Variants in MGAT4C observed in about 807,000 individuals in gnomAD.
The protein encoded by MGAT4C is alpha-1,3-mannosyl-glycoprotein 4-beta-N-acetylglucosaminyltransferase C.
In MGAT4C, 19 loss-of-function variants were observed where a neutral mutation model predicts 40.1. The ratio of observed to expected loss-of-function variants is 0.47; its 90% confidence interval spans 0.33 to 0.70. The LOEUF (loss-of-function observed/expected upper bound fraction) is 0.70. MGAT4C is among the 30% of genes least tolerant of loss of function. The probability of loss-of-function intolerance (pLI) is 0.02; values close to 1 mark genes in which losing one functional copy is unlikely to be tolerated. For missense variants in MGAT4C, 491 were observed against 563.2 expected, an observed-to-expected ratio of 0.87 and a Z score of 1.30; for synonymous variants, 181 against 187.1, an observed-to-expected ratio of 0.97 and a Z score of 0.27.
At chr12:86,063,946 T>C (rs991599152) in intron 1 of MGAT4C, among the ~76,000 whole-genome samples, 3 of 152,152 alleles carry the variant, frequency 2.0e-5, no homozygotes, top group African/African-American at 7.2e-5. Flanking sequence ...CACACAATAA[T>C]AGTGGGATAC....
intron 2 of MGAT4C, among the ~76,000 whole-genome samples, chr12:86,616,555 A>G (rs1305777709): frequency 6.6e-6 from 1 of 152,144 alleles, no homozygotes; most frequent in African/African-American, 2.4e-5. Context: ...AAAATGTATC[A>G]TGTCAGTTTT....
chr12:85,983,012 C>A (rs992823155), intron 4 of MGAT4C, among the ~76,000 whole-genome samples: 1 of 152,170 alleles, frequency 6.6e-6, no homozygotes, highest in East Asian at 1.9e-4. Context: ...GGAGTGGGGA[C>A]CTGCCAGCAC....
Position 85,972,697 on chromosome 12 carries a change from A to T in MGAT4C, c.*6592T>A, listed in dbSNP as rs968431839. On this transcript the variant is annotated 3_prime_UTR_variant, in exon 5 of 5. Transcript: ENST00000611864. ...ATTGAAAACCGGATTACATTAAAGG[A>T]TGGACAATTATGATAAAGGATCTGA... is the stretch of plus-strand genomic sequence containing the variant. 6.6e-6 allele frequency: 1 copy of T among 151,050 alleles called. No homozygotes were observed. Among genetic ancestry groups the T allele is most frequent in the African/African-American group, 2.4e-5 (1 of 41,324 alleles). 9.4% of individuals were successfully genotyped at this position (151,050 alleles called of 1,614,324 possible).
chr12:86,023,889 G>T (rs898526838), intron 2 of MGAT4C, among the ~76,000 whole-genome samples: 6 of 151,618 alleles, frequency 4.0e-5, no homozygotes, highest in Non-Finnish European at 8.9e-5. Context: ...CTTGAGAAAT[G>T]ATTTTTTTCT....
intron 2 of MGAT4C, chr12:86,001,490 C>G (rs1253833404): frequency 2.6e-5 from 8 of 303,412 alleles, no homozygotes; most frequent in Non-Finnish European, 3.9e-5. Flanking sequence ...TCCCAAGCAC[C>G]TACCTTTGAA....
chr12:86,508,681 G>T (rs10858434), intron 2 of MGAT4C, among the ~76,000 whole-genome samples: 133,494 of 147,720 alleles, frequency 0.9, 60,493 homozygotes, highest in East Asian at 1. Context: ...ACCAACAGTG[G>T]AAAAGTGTTC....
intron 2 of MGAT4C, among the ~76,000 whole-genome samples, chr12:86,653,129 T>G (rs1963740501): frequency 6.6e-6 from 1 of 151,948 alleles, no homozygotes; most frequent in African/African-American, 2.4e-5. Context: ...AATAAACTAT[T>G]ATGATGTTTA....
At chr12:86,248,855 CTAAGAGACAGCT>C (rs1952150638) in intron 1 of MGAT4C, among the ~76,000 whole-genome samples, 2 of 152,086 alleles carry the variant, frequency 1.3e-5, no homozygotes, top group Non-Finnish European at 2.9e-5. Context: ...GGGAGACAGC[CTAAGAGACAGCT>C]GTGAAACTAG....
chr12:86,589,197 G>T (rs1041494190), intron 2 of MGAT4C, among the ~76,000 whole-genome samples: 3 of 151,840 alleles, frequency 2.0e-5, no homozygotes, highest in African/African-American at 7.3e-5. Context: ...TCAAATAGAC[G>T]CAATAAAAAA....
At chr12:86,763,490 C>G (rs1473399559) in intron 1 of MGAT4C, among the ~76,000 whole-genome samples, 1 of 152,080 alleles carries the variant, frequency 6.6e-6, no homozygotes, top group Admixed American at 6.6e-5. Context: ...ATATTATGTA[C>G]TCAATTTATA....
At chr12:86,053,873 C>T (rs997675198) in intron 1 of MGAT4C, among the ~76,000 whole-genome samples, 4 of 151,736 alleles carry the variant, frequency 2.6e-5, no homozygotes, top group African/African-American at 7.3e-5. Flanking sequence ...CAGAGAAATG[C>T]AAGTAAAATT....
chr12:86,575,230 T>G (rs144949977), intron 2 of MGAT4C, among the ~76,000 whole-genome samples: 103 of 127,482 alleles, frequency 8.1e-4, no homozygotes, highest in African/African-American at 2.7e-3. Context: ...ACAATCCAAT[T>G]GCATTCTTTA....
intron 2 of MGAT4C, among the ~76,000 whole-genome samples, chr12:85,994,096 C>A (rs1359487722): frequency 6.6e-6 from 1 of 152,310 alleles, no homozygotes; most frequent in East Asian, 1.9e-4. Context: ...CAGCTGGCAT[C>A]TTGGCAGCAG....
intron 2 of MGAT4C, among the ~76,000 whole-genome samples, chr12:86,032,960 T>A (rs1890896285): frequency 2.0e-5 from 3 of 149,884 alleles, no homozygotes; most frequent in Admixed American, 6.7e-5. Context: ...AAGGAAAGTG[T>A]CTATATTTAG....
chr12:86,614,417 T>C (rs923880138), intron 2 of MGAT4C, among the ~76,000 whole-genome samples: 2 of 152,094 alleles, frequency 1.3e-5, no homozygotes, highest in African/African-American at 2.4e-5. Context: ...GCCAGAATAA[T>C]TAAAGGGATT....
At chr12:86,292,303 A>G (rs1313750061) in intron 4 of MGAT4C, among the ~76,000 whole-genome samples, 1 of 151,928 alleles carries the variant, frequency 6.6e-6, no homozygotes, top group African/African-American at 2.4e-5. Flanking sequence ...TTAAAATATC[A>G]TATTTTAGAT....
chr12:86,758,672 A>G (rs1951348441), intron 1 of MGAT4C, among the ~76,000 whole-genome samples: 1 of 152,096 alleles, frequency 6.6e-6, no homozygotes, highest in African/African-American at 2.4e-5. Flanking sequence ...AAATGAATAT[A>G]GTGAGTCATG....
chr12:86,595,740 T>G (rs746647090), intron 2 of MGAT4C, among the ~76,000 whole-genome samples: 5 of 152,174 alleles, frequency 3.3e-5, no homozygotes, highest in Admixed American at 6.5e-5. Context: ...TTTGATCAAA[T>G]TTTTTGAGCC....
intron 1 of MGAT4C, among the ~76,000 whole-genome samples, chr12:86,194,770 A>C (rs1949737320): frequency 6.6e-6 from 1 of 152,092 alleles, no homozygotes. Flanking sequence ...AGCTGGAGCA[A>C]ATCAATTTTT....
Sources: allele counts gnomAD v4.1 joint callset (sites outside exome capture counted in the v4.1 genomes callset), GRCh38; gene constraint gnomAD v4.1.1; transcripts MANE v1.5; gene names NCBI Gene and HGNC (gene_info 2026-07-23, HGNC 2026-07-21).